DOCK3: variants seen among roughly 807,000 people sequenced by gnomAD.
DOCK3 encodes dedicator of cytokinesis protein 3.
Under a neutral mutation model 265.6 loss-of-function variants are expected in DOCK3, and 60 were observed. The ratio of observed to expected loss-of-function variants is 0.23; its 90% CI spans 0.18 to 0.28. The LOEUF is 0.28. DOCK3 is among the 10% of genes least tolerant of loss of function. The pLI is 1.00. For synonymous variants in DOCK3, 881 were observed against 938.0 expected, an observed-to-expected ratio of 0.94 and a Z score of 1.11; for missense variants, 1,981 against 2,594.3, an observed-to-expected ratio of 0.76 and a Z score of 5.14.
At chr3:50,972,849 C>T (rs1218096129) in intron 5 of DOCK3, among the ~76,000 whole-genome samples, 2 of 148,824 alleles carry the variant, frequency 1.3e-5, no homozygotes, top group Non-Finnish European at 3.0e-5. Flanking sequence ...TAATGTGATG[C>T]CTATAGCTTT....
At chr3:51,017,730 T>TTTA (rs1229770881) in intron 5 of DOCK3, among the ~76,000 whole-genome samples, 1 of 151,858 alleles carries the variant, frequency 6.6e-6, no homozygotes, top group African/African-American at 2.4e-5. Flanking sequence ...TACTTGATGT[T>TTTA]TTAAGACTTG....
chr3:50,732,452 G>A lies in DOCK3; in HGVS notation c.38-46223G>A, dbSNP rs571278093. On this transcript the variant is annotated intron_variant, in intron 1 of 52. Transcript: ENST00000266037. ...AGGGTCTCACTGTGTTGCCCAGTCT[G>A]CAGTGCAGTGGCGTGATACGTAGCT... Among the ~76,000 whole-genome samples, 5 of 152,204 alleles carry A rather than the reference G, an allele frequency of 3.3e-5. No homozygotes were observed. The South Asian group carries it at 1.0e-3, about 32-fold the overall frequency.
intron 7 of DOCK3, among the ~76,000 whole-genome samples, chr3:51,082,667 C>T (rs2082282429): frequency 6.6e-6 from 1 of 152,142 alleles, no homozygotes; most frequent in African/African-American, 2.4e-5. Context: ...CCAATCTGCC[C>T]CATACACTGC....
intron 1 of DOCK3, among the ~76,000 whole-genome samples, chr3:50,746,295 TG>T (rs2039437007): frequency 6.6e-6 from 1 of 151,810 alleles, no homozygotes; most frequent in Non-Finnish European, 1.5e-5. Context: ...TTAGTAGAGA[TG>T]GGGTTTCACC....
intron 1 of DOCK3, among the ~76,000 whole-genome samples, chr3:50,733,228 T>C (rs2038329082): frequency 6.6e-6 from 1 of 152,214 alleles, no homozygotes; most frequent in African/African-American, 2.4e-5. Flanking sequence ...GTTTTGTATG[T>C]CTCTTAGGTC....
chr3:51,183,492 C>G (rs1396771418), intron 12 of DOCK3, among the ~76,000 whole-genome samples: 1 of 152,122 alleles, frequency 6.6e-6, no homozygotes, highest in East Asian at 1.9e-4. Flanking sequence ...GGAGCTGAGA[C>G]TCAGATCCCT....
intron 48 of DOCK3, among the ~76,000 whole-genome samples, chr3:51,362,233 A>C (rs142536196): frequency 2.0e-5 from 3 of 152,164 alleles, no homozygotes; most frequent in Non-Finnish European, 4.4e-5. Context: ...TTGCTTTAGG[A>C]GATCCCACGG....
intron 5 of DOCK3, among the ~76,000 whole-genome samples, chr3:51,049,829 C>CACACACACA (rs377417609): frequency 1.8e-4 from 26 of 144,352 alleles, no homozygotes; most frequent in East Asian, 4.1e-4. Context: ...ACACACACAC[C>CACACACACA]CCAAAAAAAC....
Position 51,237,587 on chromosome 3 carries a change from A to T in DOCK3, c.2099A>T (p.Tyr700Phe). 6.2e-7 allele frequency: 1 copy of T among 1,612,540 alleles called. No individual in the cohort carries two copies. The change falls in exon 21 of 53, where the codon TAC (tyrosine) becomes TTC (phenylalanine). Residue 700 changes from tyrosine to phenylalanine, a missense_variant. By Grantham distance (22) the Tyr-to-Phe change is conservative. Around this residue, in one of 4 missense-constraint regions of DOCK3, gnomAD observed 1,357 missense variants for 1,866.8 expected, o/e 0.73. Coordinates refer to ENST00000266037, the MANE Select transcript of DOCK3 (RefSeq NM_004947.5). ...IQKHFAGALA[Y>F]KELIRCLKWY... is the part of the protein sequence containing the mutation. ...AAGCACTTTGCTGGAGCTCTGGCAT[A>T]CAAGTAAGTTCCATTTGGTATCATC... is the stretch of plus-strand genomic sequence containing the variant.
At chr3:51,204,988 G>A (rs574568470) in intron 12 of DOCK3, among the ~76,000 whole-genome samples, 1 of 152,052 alleles carries the variant, frequency 6.6e-6, no homozygotes, top group South Asian at 2.1e-4. Flanking sequence ...GACACAGGAC[G>A]GGGAACATCA....
At chr3:51,123,547 A>G (rs768183041) in intron 9 of DOCK3, among the ~76,000 whole-genome samples, 1 of 152,202 alleles carries the variant, frequency 6.6e-6, no homozygotes, top group Non-Finnish European at 1.5e-5. Flanking sequence ...TAACAGAAAG[A>G]CACAGACTTT....
At chr3:50,832,218 G>T (rs949561527) in intron 2 of DOCK3, among the ~76,000 whole-genome samples, 1 of 152,024 alleles carries the variant, frequency 6.6e-6, no homozygotes, top group Non-Finnish European at 1.5e-5. Flanking sequence ...AGCTCAAGAC[G>T]GATTAAAGAC....
intron 1 of DOCK3, among the ~76,000 whole-genome samples, chr3:50,728,231 G>C (rs932501262): frequency 2.6e-5 from 4 of 152,048 alleles, no homozygotes; most frequent in Admixed American, 6.6e-5. Context: ...TGTCATGCAG[G>C]GTAGTCTGGA....
chr3:51,228,142 C>A, intron 17 of DOCK3, 54 bp downstream of exon 17: 1 of 1,555,036 alleles, frequency 6.4e-7, no homozygotes, highest in Non-Finnish European at 8.9e-7. Flanking sequence ...TGAGGCCACT[C>A]TCACACATGG....
chr3:50,747,494 A>AT (rs2108282231), intron 1 of DOCK3, among the ~76,000 whole-genome samples: 1 of 152,312 alleles, frequency 6.6e-6, no homozygotes, highest in East Asian at 1.9e-4. Flanking sequence ...CAGTATGCAG[A>AT]TGTTTCATTT....
intron 5 of DOCK3, among the ~76,000 whole-genome samples, chr3:50,943,484 C>T (rs1300992107): frequency 6.6e-6 from 1 of 151,964 alleles, no homozygotes; most frequent in Non-Finnish European, 1.5e-5. Context: ...TACCTGTATT[C>T]TGAAAACATA....
chr3:51,156,223 A>C (rs1200060759), intron 10 of DOCK3, among the ~76,000 whole-genome samples: 2 of 152,194 alleles, frequency 1.3e-5, no homozygotes, highest in African/African-American at 4.8e-5. Flanking sequence ...CAGGGAAGTT[A>C]ATTAACTTTT....
intron 12 of DOCK3, among the ~76,000 whole-genome samples, chr3:51,194,893 C>T (rs1207823533): frequency 7.1e-6 from 1 of 140,208 alleles, no homozygotes; most frequent in Non-Finnish European, 1.5e-5. Context: ...GATGCGATAT[C>T]GGTTCACTGC....
At chr3:51,179,871 C>T (rs2087176613) in intron 12 of DOCK3, among the ~76,000 whole-genome samples, 1 of 151,924 alleles carries the variant, frequency 6.6e-6, no homozygotes, top group Non-Finnish European at 1.5e-5. Flanking sequence ...ATGATTATGG[C>T]ACTGCACTCA....
Sources: allele counts gnomAD v4.1 joint callset (sites outside exome capture counted in the v4.1 genomes callset), GRCh38; gene constraint gnomAD v4.1.1; regional missense constraint gnomAD v4.1.1; transcripts MANE v1.5; gene names NCBI Gene and HGNC (gene_info 2026-07-23, HGNC 2026-07-21).